TMPRSS15: variants seen among roughly 807,000 people sequenced by gnomAD.
TMPRSS15 encodes the protein transmembrane serine protease 15.
Under a neutral mutation model 125.3 loss-of-function variants are expected in TMPRSS15, and 128 were observed. The observed-to-expected ratio is 1.02, with a 90% CI of 0.89 to 1.18. The LOEUF is 1.18. Ranked by LOEUF, TMPRSS15 falls within the 50% of genes most tolerant of loss-of-function variation. The probability of loss-of-function intolerance (pLI) is 0.00; values close to 1 mark genes in which losing one functional copy is unlikely to be tolerated. For synonymous variants in TMPRSS15, 446 were observed against 423.2 expected (o/e 1.05, Z -0.66); for missense variants, 1,283 against 1,212.7 (o/e 1.06, Z -0.86).
At chr21:18,389,467 C>A (rs2075973380) in intron 3 of TMPRSS15, among the ~76,000 whole-genome samples, 1 of 151,996 alleles carries the variant, frequency 6.6e-6, no homozygotes, top group African/African-American at 2.4e-5. Flanking sequence ...ACTGTACTGG[C>A]CTCCTTGGTA....
At chr21:18,421,099 A>G (rs1389864832) in intron 1 of TMPRSS15, among the ~76,000 whole-genome samples, 1 of 152,204 alleles carries the variant, frequency 6.6e-6, no homozygotes, top group Admixed American at 6.5e-5. Context: ...ACGGAGGACT[A>G]TATCACTAAA....
chr21:18,390,727 G>A (rs1262665882), intron 3 of TMPRSS15, among the ~76,000 whole-genome samples: 1 of 152,142 alleles, frequency 6.6e-6, no homozygotes, highest in African/African-American at 2.4e-5. Context: ...TGGGTTGTGA[G>A]GATGGAATAT....
At chr21:18,368,969 C>A (rs1277939279) in intron 6 of TMPRSS15, among the ~76,000 whole-genome samples, 1 of 151,868 alleles carries the variant, frequency 6.6e-6, no homozygotes, top group Admixed American at 6.6e-5. Context: ...TGCAAATGAC[C>A]ATGAATGAAG....
chr21:18,421,895 T>C (rs2076192731), intron 1 of TMPRSS15, among the ~76,000 whole-genome samples: 1 of 152,092 alleles, frequency 6.6e-6, no homozygotes, highest in Non-Finnish European at 1.5e-5. Flanking sequence ...TTATGTCCAC[T>C]GAAAATTACA....
intron 19 of TMPRSS15, among the ~76,000 whole-genome samples, chr21:18,295,544 C>A (rs1049032603): frequency 6.6e-6 from 1 of 151,726 alleles, no homozygotes; most frequent in South Asian, 2.1e-4. Context: ...TTTAAAAATG[C>A]AACGTAAATA....
chr21:18,347,393 T>A (rs1329477203), intron 10 of TMPRSS15, among the ~76,000 whole-genome samples: 1 of 152,058 alleles, frequency 6.6e-6, no homozygotes, highest in Non-Finnish European at 1.5e-5. Flanking sequence ...CACGCCACCA[T>A]GGCTGGCTAA....
chr21:18,416,458 T>C (rs1601455460), intron 1 of TMPRSS15, among the ~76,000 whole-genome samples: 1 of 152,166 alleles, frequency 6.6e-6, no homozygotes, highest in South Asian at 2.1e-4. Context: ...TATATATCTT[T>C]TGAACAGTAG....
At chr21:18,398,545 T>C (rs948554776) in intron 1 of TMPRSS15, among the ~76,000 whole-genome samples, 5 of 152,130 alleles carry the variant, frequency 3.3e-5, no homozygotes, top group Admixed American at 3.3e-4. Context: ...CTTTTCTCCA[T>C]TCTTTCAACA....
intron 17 of TMPRSS15, among the ~76,000 whole-genome samples, chr21:18,314,338 G>A (rs1263891241): frequency 1.3e-5 from 2 of 152,124 alleles, no homozygotes; most frequent in African/African-American, 4.8e-5. Flanking sequence ...GAGTGCAATG[G>A]CATGATCTGG....
rs2075214318 is a variant in TMPRSS15 at position 18,319,695 on chromosome 21, C to T, written c.1922-4439G>A. ...CTGGCCGCCTCGGCCTCCCAAAGTGCTGGGATTACAGGCGTGAGCCACCGC... is the reference window on the plus strand; with the variant it reads ...CTGGCCGCCTCGGCCTCCCAAAGTGTTGGGATTACAGGCGTGAGCCACCGC... On this transcript the variant is annotated intron_variant, in intron 16 of 24. Coordinates refer to ENST00000284885, the MANE Select transcript of TMPRSS15 (RefSeq NM_002772.3). Among the ~76,000 whole-genome samples, 2 of 152,180 alleles carry T rather than the reference C, an allele frequency of 1.3e-5. 1 individual carries two copies. The highest frequency in any genetic ancestry group is 4.1e-4 in the South Asian group (2 of 4,830).
intron 1 of TMPRSS15, among the ~76,000 whole-genome samples, chr21:18,422,629 C>A (rs1336519939): frequency 6.6e-6 from 1 of 152,066 alleles, no homozygotes; most frequent in African/African-American, 2.4e-5. Flanking sequence ...ACAATTATTC[C>A]CATTTATGAG....
chr21:18,319,828 C>T (rs2075215745), intron 16 of TMPRSS15, among the ~76,000 whole-genome samples: 1 of 152,170 alleles, frequency 6.6e-6, no homozygotes, highest in East Asian at 1.9e-4. Context: ...CTAATCCTTT[C>T]CTCTCAGTAT....
At chr21:18,371,859 T>C (rs1205960639) in intron 6 of TMPRSS15, among the ~76,000 whole-genome samples, 1 of 152,056 alleles carries the variant, frequency 6.6e-6, no homozygotes, top group Non-Finnish European at 1.5e-5. Flanking sequence ...ATTAGTTTAA[T>C]ATAGAGAAGA....
intron 18 of TMPRSS15, among the ~76,000 whole-genome samples, chr21:18,302,983 A>T (rs1326740327): frequency 6.6e-6 from 1 of 152,204 alleles, no homozygotes; most frequent in East Asian, 1.9e-4. Context: ...AAGTTTTCTC[A>T]GTGCATTATC....
At chr21:18,418,794 G>A (rs2076185760) in intron 1 of TMPRSS15, among the ~76,000 whole-genome samples, 1 of 152,180 alleles carries the variant, frequency 6.6e-6, no homozygotes. Flanking sequence ...CCAGAGAAAA[G>A]AAATGGGCAC....
chr21:18,345,537 C>G (rs949486671), intron 10 of TMPRSS15, among the ~76,000 whole-genome samples: 5 of 150,390 alleles, frequency 3.3e-5, no homozygotes, highest in Admixed American at 2.7e-4. Flanking sequence ...GTCAGGAGAT[C>G]CAGACCATCC....
chr21:18,466,718 C>T (rs146492896), intron 1 of TMPRSS15, among the ~76,000 whole-genome samples: 1,809 of 152,276 alleles, frequency 0.012, 49 homozygotes, highest in African/African-American at 0.041. Context: ...GAGATATCAT[C>T]TCACACCAGT....
chr21:18,406,242 C>A (rs183996285), upstream of TMPRSS15, among the ~76,000 whole-genome samples: 1 of 152,060 alleles, frequency 6.6e-6, no homozygotes, highest in South Asian at 2.1e-4. Flanking sequence ...TCAGAGCTAT[C>A]CCACTTAGGG....
chr21:18,282,568 C>G (rs543846586), intron 21 of TMPRSS15, among the ~76,000 whole-genome samples: 85 of 152,164 alleles, frequency 5.6e-4, no homozygotes, highest in Non-Finnish European at 8.8e-4. Context: ...AGGTAGCAGT[C>G]ATCAGTAAAG....
Sources: allele counts gnomAD v4.1 joint callset (sites outside exome capture counted in the v4.1 genomes callset), GRCh38; gene constraint gnomAD v4.1.1; transcripts MANE v1.5; gene names NCBI Gene and HGNC (gene_info 2026-07-23, HGNC 2026-07-21).